Variants in MEGF11 observed in about 807,000 individuals in gnomAD.
MEGF11 encodes multiple EGF like domains 11.
MEGF11 carries 126 observed loss-of-function variants against 146.6 expected under a neutral mutation model. The observed-to-expected ratio is 0.86, with a 90% CI of 0.74 to 1.00. MEGF11 has a LOEUF of 1.00. MEGF11 is among the 50% of genes least tolerant of loss of function. The pLI, the probability that MEGF11 is intolerant of heterozygous loss-of-function variation, is 0.00. For missense variants in MEGF11, 1,509 were observed against 1,521.2 expected (o/e 0.99, Z 0.13); for synonymous variants, 532 against 583.4 (o/e 0.91, Z 1.27).
intron 1 of MEGF11, among the ~76,000 whole-genome samples, chr15:66,140,950 G>A (rs916919118): frequency 2.0e-5 from 3 of 151,858 alleles, no homozygotes; most frequent in African/African-American, 7.3e-5. Flanking sequence ...ATGTAGACTC[G>A]GTTGAACATT....
At chr15:66,099,895 G>T (rs1269946320) in intron 4 of MEGF11, among the ~76,000 whole-genome samples, 1 of 152,116 alleles carries the variant, frequency 6.6e-6, no homozygotes, top group Non-Finnish European at 1.5e-5. Context: ...GAAGGGCTGG[G>T]ACTGGGAGTG....
intron 5 of MEGF11, among the ~76,000 whole-genome samples, chr15:66,053,488 T>C (rs1251152220): frequency 6.6e-6 from 1 of 152,038 alleles, no homozygotes; most frequent in African/African-American, 2.4e-5. Flanking sequence ...TTATTATCAT[T>C]ATCATTATTT....
At chr15:65,928,361 G>A (rs2079448396) in intron 13 of MEGF11, 64 bp downstream of exon 13, 5 of 1,105,610 alleles carry the variant, frequency 4.5e-6, no homozygotes, top group Middle Eastern at 2.0e-4. Flanking sequence ...ACGGTCAAGA[G>A]AAGTAGGATA....
At chr15:65,979,889 T>A (rs1453546722) in intron 7 of MEGF11, among the ~76,000 whole-genome samples, 1 of 152,192 alleles carries the variant, frequency 6.6e-6, no homozygotes, top group East Asian at 1.9e-4. Context: ...AACATTGGCT[T>A]TGAGACCTGA....
intron 15 of MEGF11, among the ~76,000 whole-genome samples, chr15:65,919,086 C>G (rs2079093252): frequency 1.3e-5 from 2 of 152,196 alleles, no homozygotes. Context: ...GGGCTGAAAC[C>G]CTCTGCTTTA....
chr15:65,993,315 G>A (rs1482945349), intron 5 of MEGF11, among the ~76,000 whole-genome samples: 1 of 152,140 alleles, frequency 6.6e-6, no homozygotes, highest in African/African-American at 2.4e-5. Context: ...GGGACCCAGG[G>A]ACCCAGAAAG....
intron 1 of MEGF11, among the ~76,000 whole-genome samples, chr15:66,159,750 G>A (rs1387553186): frequency 2.6e-5 from 4 of 152,128 alleles, no homozygotes; most frequent in Non-Finnish European, 4.4e-5. Context: ...TTTGGGGAAG[G>A]GGGATGCTGA....
rs185576112 is a variant in MEGF11, at chr15:65,949,919, C to T, written c.1287+7628G>A. Reference sequence around the variant, plus strand: ...AGCCGAGAAATCAGCCTTCTTCCCCCGTGTGAGCAGGAAGTCTATTCTCGG... The same window carrying T: ...AGCCGAGAAATCAGCCTTCTTCCCCTGTGTGAGCAGGAAGTCTATTCTCGG... On this transcript the variant is annotated intron_variant, in intron 10 of 25. Transcript: ENST00000395614. 1.5e-3 allele frequency among the ~76,000 whole-genome samples: 235 copies of T among 152,292 alleles called. 2 individuals are homozygous for T. Among genetic ancestry groups the T allele is most frequent in the African/African-American group, 5.3e-3 (219 of 41,562 alleles).
intron 1 of MEGF11, among the ~76,000 whole-genome samples, chr15:66,194,704 T>C (rs1389368199): frequency 6.6e-6 from 1 of 151,482 alleles, no homozygotes; most frequent in Non-Finnish European, 1.5e-5. Flanking sequence ...AAAGACAACA[T>C]ATTGGGTACA....
intron 6 of MEGF11, among the ~76,000 whole-genome samples, chr15:65,981,279 A>C (rs2081629911): frequency 6.6e-6 from 1 of 152,244 alleles, no homozygotes; most frequent in Non-Finnish European, 1.5e-5. Flanking sequence ...TAATGAAGGC[A>C]CTGAGAAGTG....
At chr15:65,905,626 G>C (rs554970520) in intron 24 of MEGF11, 2 of 152,700 alleles carry the variant, frequency 1.3e-5, no homozygotes, top group Admixed American at 1.3e-4. Context: ...CTTGAGGTTG[G>C]AGTGCCATAC....
intron 15 of MEGF11, among the ~76,000 whole-genome samples, chr15:65,920,199 C>T (rs533223990): frequency 1.3e-5 from 2 of 152,164 alleles, no homozygotes. Flanking sequence ...GAACCCTCAC[C>T]GACTGTCCTA....
chr15:66,141,976 T>C (rs1200998267), intron 1 of MEGF11, among the ~76,000 whole-genome samples: 2 of 151,692 alleles, frequency 1.3e-5, no homozygotes, highest in Admixed American at 6.6e-5. Context: ...GGTGGGGGGA[T>C]CGGCGGCAAT....
intron 9 of MEGF11, among the ~76,000 whole-genome samples, chr15:65,963,780 T>C (rs1274481490): frequency 6.6e-6 from 1 of 152,210 alleles, no homozygotes; most frequent in East Asian, 1.9e-4. Context: ...CCACCCCAGC[T>C]GCTCCACTCC....
At chr15:65,901,968 G>GT (rs1364034494) in intron 24 of MEGF11, 1 of 151,656 alleles carries the variant, frequency 6.6e-6, no homozygotes, top group African/African-American at 2.4e-5. Flanking sequence ...CAATCAAGAT[G>GT]TTTTCCCTCA....
intron 4 of MEGF11, among the ~76,000 whole-genome samples, chr15:66,095,233 G>A (rs1213230767): frequency 6.6e-6 from 1 of 152,204 alleles, no homozygotes; most frequent in Non-Finnish European, 1.5e-5. Context: ...GCAGTTTGAG[G>A]AAGGGAAATT....
chr15:66,205,054 T>A (rs1597151018), intron 1 of MEGF11, among the ~76,000 whole-genome samples: 1 of 145,382 alleles, frequency 6.9e-6, no homozygotes, highest in African/African-American at 2.6e-5. Context: ...GAAATGCCAA[T>A]AGGAGCATAC....
chr15:66,122,291 A>G (rs2088070935), intron 3 of MEGF11, among the ~76,000 whole-genome samples: 1 of 152,156 alleles, frequency 6.6e-6, no homozygotes, highest in Admixed American at 6.5e-5. Flanking sequence ...TGCAGAAAAA[A>G]AAAAGCAATC....
intron 5 of MEGF11, among the ~76,000 whole-genome samples, chr15:66,014,794 C>A (rs188311119): frequency 6.6e-4 from 100 of 152,268 alleles, no homozygotes; most frequent in Middle Eastern, 3.4e-3. Context: ...GCACCTGTAG[C>A]AACTTGTAGC....
Sources: gnomAD v4.1 joint callset for allele counts (sites outside exome capture counted in the v4.1 genomes callset) on GRCh38, gnomAD v4.1.1 for gene constraint, MANE v1.5 for transcripts, NCBI Gene and HGNC (gene_info 2026-07-23, HGNC 2026-07-21) for gene names.